EDNRA: variants seen among roughly 807,000 people sequenced by gnomAD.
The protein encoded by EDNRA is endothelin-1 receptor.
A neutral mutation model predicts 41.4 loss-of-function variants in EDNRA; 11 were observed. The observed-to-expected ratio is 0.27, with a 90% confidence interval of 0.17 to 0.44. The LOEUF (loss-of-function observed/expected upper bound fraction) is 0.44. EDNRA is among the 20% of genes least tolerant of loss of function. The pLI, the probability that EDNRA is intolerant of heterozygous loss-of-function variation, is 1.00. For missense variants in EDNRA, 294 were observed against 531.0 expected, an observed-to-expected ratio of 0.55 and a Z score of 4.39; for synonymous variants, 172 against 183.0, an observed-to-expected ratio of 0.94 and a Z score of 0.49.
chr4:147,490,347 G>T (rs1290104715), intron 2 of EDNRA: 1 of 152,082 alleles, frequency 6.6e-6, no homozygotes, highest in Non-Finnish European at 1.5e-5. Context: ...ATTATCAAAG[G>T]ATAACTGATT....
Position 147,541,915 on chromosome 4 carries a change from A to T in EDNRA, c.1144-563A>T, listed in dbSNP as rs114781555. ...TCAAGGTAAAAATTATCAGAAATTA[A>T]CCCCACTTTTTGATGAATCTTCCTA... On this transcript the variant is annotated intron_variant, in intron 7 of 7. Transcript: ENST00000651419. 3.2e-3 allele frequency among the ~76,000 whole-genome samples: 487 copies of T among 152,282 alleles called. 3 individuals are homozygous for T. The highest frequency in any genetic ancestry group is 5.9e-3 in the Non-Finnish European group (404 of 68,032).
chr4:147,504,957 C>CAAAAAAAAAAAAAAAAAAA (rs57911108), intron 2 of EDNRA, among the ~76,000 whole-genome samples: 5 of 39,042 alleles, frequency 1.3e-4, no homozygotes, highest in African/African-American at 2.4e-4. Context: ...GACCCTGTCT[C>CAAAAAAAAAAAAAAAAAAA]AAAAAAAAAA....
At chr4:147,498,649 G>C (rs929062361) in intron 2 of EDNRA, among the ~76,000 whole-genome samples, 2 of 152,136 alleles carry the variant, frequency 1.3e-5, no homozygotes, top group African/African-American at 4.8e-5. Context: ...GTCAAGCCTG[G>C]TGGCATCTCA....
At chr4:147,493,421 T>G (rs908112757) in intron 2 of EDNRA, 3 of 151,926 alleles carry the variant, frequency 2.0e-5, no homozygotes, top group Non-Finnish European at 4.4e-5. Flanking sequence ...GTATAAAGAG[T>G]GTGCAAACTA....
chr4:147,543,552 T>C lies in EDNRA; in HGVS notation c.*934T>C, dbSNP rs1560922703. The stretch of plus-strand genomic sequence containing the variant: ...TGTCATTTAACTCTGCCTGAGACTT[T>C]CAGTGCACTGTATATAGAAGTCTAA... On this transcript the variant is annotated 3_prime_UTR_variant, in exon 8 of 8. Coordinates refer to ENST00000651419, the MANE Select transcript of EDNRA (RefSeq NM_001957.4). 6.6e-6 allele frequency: 1 copy of C among 152,202 alleles called. No homozygotes were observed. The highest frequency in any genetic ancestry group is 6.5e-5 in the Admixed American group (1 of 15,280). The allele number at this position is 152,202 out of a possible 1,614,324, so 9.4% of individuals were successfully genotyped here. A position where few individuals can be genotyped will look rare whatever the true frequency, so the allele number is the denominator to read the frequency against.
intron 4 of EDNRA, among the ~76,000 whole-genome samples, chr4:147,534,775 C>T (rs963319790): frequency 6.6e-6 from 1 of 152,104 alleles, no homozygotes; most frequent in Non-Finnish European, 1.5e-5. Context: ...GTTTCCATTG[C>T]AATCTTATGT....
rs1393829469 is a variant in EDNRA, at chr4:147,507,142, T to C, written c.421-12709T>C. On this transcript the variant is annotated intron_variant, in intron 2 of 7. Coordinates refer to ENST00000651419, the MANE Select transcript of EDNRA (RefSeq NM_001957.4). ...TAGTACAGAATCAAAGAGAATAATA[T>C]AGCAAGAAAAAAACAGTCAACTACA... 6.6e-5 allele frequency among the ~76,000 whole-genome samples: 10 copies of C among 150,414 alleles called. No homozygotes were observed. In the South Asian group the frequency reaches 1.7e-3, roughly 25 times the overall value.
chr4:147,498,906 C>A (rs372747853), intron 2 of EDNRA, among the ~76,000 whole-genome samples: 2 of 152,228 alleles, frequency 1.3e-5, no homozygotes, highest in African/African-American at 4.8e-5. Flanking sequence ...CGACCAGACA[C>A]TTCATAACCT....
intron 3 of EDNRA, chr4:147,531,736 G>T (rs1730743428): frequency 6.6e-6 from 1 of 152,518 alleles, no homozygotes; most frequent in Non-Finnish European, 1.5e-5. Flanking sequence ...GCCGGGTGTG[G>T]TGGCTCACGC....
At chr4:147,520,308 C>T in intron 3 of EDNRA, 2 of 477,616 alleles carry the variant, frequency 4.2e-6, no homozygotes, top group South Asian at 3.2e-5. Flanking sequence ...TATATTTCAC[C>T]TGGTAAATTT....
chr4:147,490,371 A>G (rs1201948932), intron 2 of EDNRA: 1 of 152,206 alleles, frequency 6.6e-6, no homozygotes, highest in African/African-American at 2.4e-5. Context: ...AGTTGTTCAA[A>G]ATAAGGATAA....
At chr4:147,509,605 T>C (rs1016723977) in intron 2 of EDNRA, among the ~76,000 whole-genome samples, 2 of 152,148 alleles carry the variant, frequency 1.3e-5, no homozygotes, top group African/African-American at 4.8e-5. Context: ...CTGCTCCCCA[T>C]CACTCGCATT....
At chr4:147,525,106 A>C (rs1476836277) in intron 3 of EDNRA, among the ~76,000 whole-genome samples, 2 of 152,186 alleles carry the variant, frequency 1.3e-5, no homozygotes, top group Non-Finnish European at 2.9e-5. Flanking sequence ...TTTGAAAGAA[A>C]ATGAGAGAAA....
intron 4 of EDNRA, among the ~76,000 whole-genome samples, chr4:147,535,084 ATTTCG>A (rs1217247499): frequency 6.6e-6 from 1 of 152,232 alleles, no homozygotes; most frequent in Non-Finnish European, 1.5e-5. Context: ...AAGAAAAAGC[ATTTCG>A]TCCCAAGTTG....
intron 3 of EDNRA, among the ~76,000 whole-genome samples, chr4:147,523,876 G>T (rs1007082521): frequency 1.3e-5 from 2 of 152,124 alleles, no homozygotes; most frequent in East Asian, 3.8e-4. Context: ...GAAGAGGCAG[G>T]TCTGACATCC....
chr4:147,542,615 C>A lies in EDNRA; in HGVS notation c.1281C>A (p.Asn427Lys). The change falls in exon 8 of 8, where the codon AAC becomes AAA. Residue 427 changes from asparagine (N) to lysine (K), a missense_variant. By Grantham distance (94) the Asn-to-Lys change is moderately conservative. Around this residue, in one of 3 missense-constraint regions of EDNRA, gnomAD observed 19 missense variants for 17.4 expected, o/e 1.09. Transcript: ENST00000651419. ...TDRSSHKDSMN is the reference protein window; with the variant it reads ...TDRSSHKDSMK ...GGAGCAGCCATAAGGACAGCATGAA[C>A]TGACCACCCTTAGAAGCACTCCTCG... The A allele has an allele frequency of 2.5e-6, 4 of 1,613,962 alleles. No homozygotes were observed. The highest frequency in any genetic ancestry group is 3.4e-6 in the Non-Finnish European group (4 of 1,179,944).
At chr4:147,481,847 G>A (rs1231394151) in intron 1 of EDNRA, among the ~76,000 whole-genome samples, 1 of 152,228 alleles carries the variant, frequency 6.6e-6, no homozygotes, top group African/African-American at 2.4e-5. Flanking sequence ...AGGGCACTCG[G>A]TGTGAGGGAC....
At chr4:147,513,993 T>G (rs1022373338) in intron 2 of EDNRA, among the ~76,000 whole-genome samples, 3 of 152,236 alleles carry the variant, frequency 2.0e-5, no homozygotes, top group African/African-American at 7.2e-5. Context: ...GAGGCATAAG[T>G]TCGTTTATAT....
chr4:147,532,802 G>A, intron 4 of EDNRA, 98 bp downstream of exon 4: 1 of 1,289,334 alleles, frequency 7.8e-7, no homozygotes, highest in Admixed American at 1.8e-5. Context: ...AATGTCAAGT[G>A]TGGTTTCTTC....
Sources: allele counts gnomAD v4.1 joint callset (sites outside exome capture counted in the v4.1 genomes callset), GRCh38; gene constraint gnomAD v4.1.1; regional missense constraint gnomAD v4.1.1; transcripts MANE v1.5; gene names NCBI Gene and HGNC (gene_info 2026-07-23, HGNC 2026-07-21).